EPHA6: variants seen among roughly 807,000 people sequenced by gnomAD.
EPHA6 encodes ephrin type-A receptor 6.
In EPHA6, 50 loss-of-function variants were observed where a neutral mutation model predicts 112.0. The ratio of observed to expected loss-of-function variants is 0.45; its 90% CI spans 0.36 to 0.56. The LOEUF (loss-of-function observed/expected upper bound fraction) is 0.56. EPHA6 is among the 20% of genes least tolerant of loss of function. The pLI is 0.00. For synonymous variants in EPHA6, 529 were observed against 490.7 expected (o/e 1.08, Z -1.03); for missense variants, 1,280 against 1,417.4 (o/e 0.90, Z 1.56).
intron 14 of EPHA6, among the ~76,000 whole-genome samples, chr3:97,672,688 G>A (rs933160273): frequency 2.0e-5 from 3 of 152,234 alleles, no homozygotes; most frequent in African/African-American, 7.2e-5. Context: ...AGGGAGGAAT[G>A]AAGGGAAGGA....
At chr3:97,063,723 AGAAAG>A (rs2108131117) in intron 3 of EPHA6, among the ~76,000 whole-genome samples, 1 of 152,202 alleles carries the variant, frequency 6.6e-6, no homozygotes, top group Admixed American at 6.5e-5. Context: ...AAAATATAAA[AGAAAG>A]GACAGGAGAA....
At chr3:97,688,792 T>A (rs1287240651) in intron 14 of EPHA6, among the ~76,000 whole-genome samples, 2 of 152,080 alleles carry the variant, frequency 1.3e-5, no homozygotes, top group Non-Finnish European at 2.9e-5. Flanking sequence ...GGGATTACAC[T>A]TTTTTAAAAA....
At chr3:96,820,314 C>A (rs546088121) in intron 1 of EPHA6, among the ~76,000 whole-genome samples, 1 of 151,932 alleles carries the variant, frequency 6.6e-6, no homozygotes, top group East Asian at 1.9e-4. Flanking sequence ...GTAAAATAAA[C>A]CAATTTACAT....
intron 3 of EPHA6, among the ~76,000 whole-genome samples, chr3:97,182,712 C>G (rs1443363959): frequency 6.6e-6 from 1 of 152,066 alleles, no homozygotes; most frequent in Non-Finnish European, 1.5e-5. Flanking sequence ...AATTGAATAC[C>G]TTTAAGACAG....
chr3:97,491,499 G>A (rs2091836826), intron 10 of EPHA6, among the ~76,000 whole-genome samples: 1 of 152,140 alleles, frequency 6.6e-6, no homozygotes, highest in African/African-American at 2.4e-5. Flanking sequence ...GTCTCTGTCT[G>A]GAGACCATTC....
intron 2 of EPHA6, among the ~76,000 whole-genome samples, chr3:96,875,815 A>C (rs184179220): frequency 8.9e-4 from 136 of 152,118 alleles, no homozygotes; most frequent in African/African-American, 3.1e-3. Context: ...GACTTACATA[A>C]AACAGTCTTT....
intron 16 of EPHA6, among the ~76,000 whole-genome samples, chr3:97,742,190 C>T (rs1271051418): frequency 2.0e-5 from 3 of 152,138 alleles, no homozygotes; most frequent in Non-Finnish European, 2.9e-5. Flanking sequence ...CAACACTCTC[C>T]TGCTGAGTCC....
intron 2 of EPHA6, among the ~76,000 whole-genome samples, chr3:96,920,900 A>G (rs1376979065): frequency 6.6e-6 from 1 of 152,046 alleles, no homozygotes; most frequent in Non-Finnish European, 1.5e-5. Flanking sequence ...AGTAGTTTAT[A>G]TAGCCTTTAA....
At position 96,917,418 on chromosome 3, in the gene EPHA6, C is replaced by CAAAAAAAA. The variant is rs5851049; in HGVS notation, c.450+50543_450+50550dup. On this transcript the variant is annotated intron_variant, in intron 2 of 17. Coordinates refer to ENST00000389672, the MANE Select transcript of EPHA6 (RefSeq NM_001080448.3). The stretch of plus-strand genomic sequence containing the variant: ...TGGGTGATGGAGTAAGACTCCATCT[C>CAAAAAAAA]AAAAAAAAAAAAAAAAAAAAAGAAT... Among the ~76,000 whole-genome samples the CAAAAAAAA allele has an allele frequency of 9.6e-3, 558 of 58,044 alleles. 12 individuals carry two copies. The highest frequency in any genetic ancestry group is 0.03 in the African/African-American group (487 of 16,310). The allele number at this position is 58,044 out of a possible 152,430, so 38.1% of individuals were successfully genotyped here.
chr3:97,583,984 A>G (rs1023586674), intron 11 of EPHA6, among the ~76,000 whole-genome samples: 1 of 152,168 alleles, frequency 6.6e-6, no homozygotes, highest in Non-Finnish European at 1.5e-5. Context: ...AGTTTTGGAA[A>G]TTTAGTCTGC....
At chr3:97,328,002 T>C (rs1343466501) in intron 5 of EPHA6, among the ~76,000 whole-genome samples, 39 of 136,224 alleles carry the variant, frequency 2.9e-4, no homozygotes, top group African/African-American at 1.1e-3. Context: ...TATGTGTATG[T>C]ATATGTATAT....
Position 97,759,670 on chromosome 3 carries a change from A to G in EPHA6, c.*10969A>G, listed in dbSNP as rs1246473775. Reference sequence around the variant, plus strand: ...ATGTGTAATGTGCAAATAGGTTGGTATATTTGTGGTAGAAAGGGAAGGATG... The same window carrying G: ...ATGTGTAATGTGCAAATAGGTTGGTGTATTTGTGGTAGAAAGGGAAGGATG... On this transcript the variant is annotated 3_prime_UTR_variant, in exon 18 of 18. Transcript: ENST00000389672. 1 of 229,386 alleles carries G rather than the reference A, an allele frequency of 4.4e-6. No homozygotes were observed. The highest frequency in any genetic ancestry group is 2.2e-5 in the African/African-American group (1 of 45,142). 14.2% of individuals were successfully genotyped at this position (229,386 alleles called of 1,614,324 possible).
chr3:97,420,403 A>G (rs1328709479), intron 6 of EPHA6, among the ~76,000 whole-genome samples: 3 of 152,138 alleles, frequency 2.0e-5, no homozygotes, highest in Non-Finnish European at 4.4e-5. Context: ...AATATAATGA[A>G]TTTTCCAAGA....
intron 3 of EPHA6, among the ~76,000 whole-genome samples, chr3:97,033,247 A>G (rs976679757): frequency 4.6e-5 from 7 of 151,992 alleles, no homozygotes; most frequent in African/African-American, 1.7e-4. Context: ...ATTTTTAATC[A>G]CAATGATTGT....
intron 2 of EPHA6, among the ~76,000 whole-genome samples, chr3:96,876,937 A>C (rs540930276): frequency 6.6e-6 from 1 of 152,102 alleles, no homozygotes. Flanking sequence ...CATTTATCTC[A>C]CAATACTTAA....
intron 3 of EPHA6, among the ~76,000 whole-genome samples, chr3:97,101,009 C>A (rs1028820382): frequency 6.6e-6 from 1 of 151,918 alleles, no homozygotes. Flanking sequence ...AGTTTAGTAT[C>A]TGTGAATGTA....
chr3:97,743,446 A>G (rs1042150076), intron 16 of EPHA6, among the ~76,000 whole-genome samples: 2 of 152,182 alleles, frequency 1.3e-5, no homozygotes, highest in African/African-American at 4.8e-5. Context: ...TGAAACAAAA[A>G]GAAACATGCT....
intron 2 of EPHA6, among the ~76,000 whole-genome samples, chr3:96,871,646 G>A (rs112770801): frequency 0.025 from 3,722 of 151,780 alleles, 152 homozygotes; most frequent in African/African-American, 0.083. Flanking sequence ...ATCTTTCACC[G>A]CACATTATGT....
In EPHA6 at chr3:97,596,181, A is replaced by G. The variant is rs547080420; in HGVS notation, c.2512+3444A>G. Reference sequence around the variant, plus strand: ...CTGCCTCCCAAAGTGCTGGGATTACAGGCGTGAGCCACCGCGCCCGGCCAT... The same window carrying G: ...CTGCCTCCCAAAGTGCTGGGATTACGGGCGTGAGCCACCGCGCCCGGCCAT... On this transcript the variant is annotated intron_variant, in intron 12 of 17. Transcript: ENST00000389672. Among the ~76,000 whole-genome samples, 45 of 152,300 alleles carry G rather than the reference A, an allele frequency of 3.0e-4. No individual in the cohort carries two copies. In the East Asian group the frequency reaches 8.1e-3, roughly 27 times the overall value.
Sources: gnomAD v4.1 joint callset for allele counts (sites outside exome capture counted in the v4.1 genomes callset) on GRCh38, gnomAD v4.1.1 for gene constraint, MANE v1.5 for transcripts, NCBI Gene and HGNC (gene_info 2026-07-23, HGNC 2026-07-21) for gene names.